The following RPH3AL variants were observed in gnomAD, a reference collection of about 807,000 sequenced individuals.
The protein encoded by RPH3AL is rab effector Noc2.
Under a neutral mutation model 43.1 loss-of-function variants are expected in RPH3AL, and 38 were observed. The ratio of observed to expected loss-of-function variants is 0.88; its 90% CI spans 0.68 to 1.15. The LOEUF is 1.15. RPH3AL is among the 50% of genes most tolerant of loss of function. RPH3AL has a pLI of 0.00. For synonymous variants in RPH3AL, 189 were observed against 176.3 expected, an observed-to-expected ratio of 1.07 and a Z score of -0.57; for missense variants, 462 against 423.2, an observed-to-expected ratio of 1.09 and a Z score of -0.81.
At chr17:216,413 TGAGA>T (rs10566773) in intron 8 of RPH3AL, among the ~76,000 whole-genome samples, 107,740 of 151,558 alleles carry the variant, frequency 0.71, 38,488 homozygotes, top group South Asian at 0.81. Flanking sequence ...GTTAACCTAA[TGAGA>T]GAGAGATGTT....
chr17:232,200 C>A (rs1292154989), intron 7 of RPH3AL, among the ~76,000 whole-genome samples: 1 of 152,206 alleles, frequency 6.6e-6, no homozygotes, highest in African/African-American at 2.4e-5. Flanking sequence ...TGTTTCTCTG[C>A]CTTTCCATGC....
chr17:223,083 G>A (rs956804713), intron 7 of RPH3AL, among the ~76,000 whole-genome samples: 5 of 152,026 alleles, frequency 3.3e-5, no homozygotes, highest in East Asian at 1.9e-4. Flanking sequence ...CCAGCTACTC[G>A]GGAGGCTGAG....
At chr17:270,902 G>A (rs1189385900) in intron 6 of RPH3AL, among the ~76,000 whole-genome samples, 1 of 152,096 alleles carries the variant, frequency 6.6e-6, no homozygotes, top group Non-Finnish European at 1.5e-5. Flanking sequence ...GGTTTTTATG[G>A]TTTTAGGTCT....
At chr17:348,056 C>T (rs1444773654) in intron 1 of RPH3AL, among the ~76,000 whole-genome samples, 3 of 150,176 alleles carry the variant, frequency 2.0e-5, no homozygotes, top group Non-Finnish European at 4.4e-5. Flanking sequence ...CTCTGGGCAC[C>T]CTGCCTATGG....
At position 246,358 on chromosome 17, in the gene RPH3AL, G is replaced by A. The variant is rs2041764763; in HGVS notation, c.613+753C>T. Among the ~76,000 whole-genome samples the A allele has an allele frequency of 6.6e-6, 1 of 152,052 alleles. No individual in the cohort carries two copies. On this transcript the variant is annotated intron_variant, in intron 7 of 9. Coordinates refer to ENST00000331302, the MANE Select transcript of RPH3AL (RefSeq NM_006987.4). This position sits in a 1 kb window ranked among gnomAD's most constrained non-coding sequence, Gnocchi z 4.8. ...GAAACGTGAGCACTTCAGAGCAAAA[G>A]GACCCAGATGCCAGAGAGGGTAAGA... is the stretch of plus-strand genomic sequence containing the variant.
rs760891446 is a variant in RPH3AL, at chr17:225,453, A to C, written c.614-5717T>G. 2.0e-5 allele frequency among the ~76,000 whole-genome samples: 3 copies of C among 152,110 alleles called. No individual in the cohort carries two copies. Among genetic ancestry groups the C allele is most frequent in the African/African-American group, 4.8e-5 (2 of 41,410 alleles). On this transcript the variant is annotated intron_variant, in intron 7 of 9. Transcript: ENST00000331302. This position sits in a 1 kb window ranked among gnomAD's most constrained non-coding sequence, Gnocchi z 4.4. ...TTTCTGTAGTTTTGACTCACTGATG[A>C]GATGCCAACCTCATGGGTCCCATGA...
chr17:315,407 GTGCCCCC>G, intron 5 of RPH3AL, among the ~76,000 whole-genome samples: 1 of 151,024 alleles, frequency 6.6e-6, no homozygotes, highest in African/African-American at 2.4e-5. Context: ...TGTAGTCCCT[GTGCCCCC>G]ACCTCCATTG....
intron 7 of RPH3AL, among the ~76,000 whole-genome samples, chr17:221,592 C>G (rs1597875108): frequency 3.3e-5 from 4 of 121,566 alleles, no homozygotes; most frequent in East Asian, 2.6e-4. Context: ...AGCTCTGAGG[C>G]CTCCACTCGG....
At position 225,504 on chromosome 17, in the gene RPH3AL, G is replaced by A. The variant is rs1567564015; in HGVS notation, c.614-5768C>T. ...AAAAGGGATAGGAGGAGGTGGGAAG[G>A]AGCCAGGGATTCCTGCTGGGCTCCT... On this transcript the variant is annotated intron_variant, in intron 7 of 9. Coordinates refer to ENST00000331302, the MANE Select transcript of RPH3AL (RefSeq NM_006987.4). This position sits in a 1 kb window ranked among gnomAD's most constrained non-coding sequence, Gnocchi z 4.4. Among the ~76,000 whole-genome samples the A allele has an allele frequency of 6.6e-6, 1 of 152,184 alleles. No homozygotes were observed. The highest frequency in any genetic ancestry group is 1.5e-5 in the Non-Finnish European group (1 of 68,024).
rs1555540060 is a variant in RPH3AL, at chr17:246,563, G to T, written c.613+548C>A. Among the ~76,000 whole-genome samples, 3 of 152,068 alleles carry T rather than the reference G, an allele frequency of 2.0e-5. No individual in the cohort carries two copies. The highest frequency in any genetic ancestry group is 4.8e-5 in the African/African-American group (2 of 41,420). ...AAGCATCATGAAAGCTGCGGAGAACGGTCCACAACCAGGCGCCCCCATCGT... is the reference window on the plus strand; with the variant it reads ...AAGCATCATGAAAGCTGCGGAGAACTGTCCACAACCAGGCGCCCCCATCGT... On this transcript the variant is annotated intron_variant, in intron 7 of 9. Transcript: ENST00000331302. The surrounding 1 kb of genome is among the most constrained non-coding windows in gnomAD (Gnocchi z 4.8).
chr17:305,742 C>A (rs1239199688), intron 5 of RPH3AL, among the ~76,000 whole-genome samples: 1 of 152,102 alleles, frequency 6.6e-6, no homozygotes, highest in Non-Finnish European at 1.5e-5. Context: ...ACATTCTCTC[C>A]CAGGTTACTC....
chr17:279,250 T>C (rs940784204), intron 6 of RPH3AL, among the ~76,000 whole-genome samples: 3 of 152,032 alleles, frequency 2.0e-5, no homozygotes, highest in African/African-American at 7.3e-5. Context: ...GGCAGAAAAA[T>C]CCAGCACATG....
At chr17:315,954 C>T (rs1177962875) in intron 5 of RPH3AL, among the ~76,000 whole-genome samples, 2 of 149,016 alleles carry the variant, frequency 1.3e-5, no homozygotes, top group Non-Finnish European at 1.5e-5. Context: ...ACCTGTAGTC[C>T]CTGTGACCCC....
chr17:223,503 G>A (rs892352574), intron 7 of RPH3AL, among the ~76,000 whole-genome samples: 5 of 152,130 alleles, frequency 3.3e-5, no homozygotes, highest in Non-Finnish European at 5.9e-5. Context: ...AGTGAGCATC[G>A]TCTTCCAAAC....
At position 321,400 on chromosome 17, in the gene RPH3AL, C is replaced by T. The variant is rs760836181; in HGVS notation, c.93G>A (p.Trp31Ter). 2 of 1,608,454 alleles carry T rather than the reference C, an allele frequency of 1.2e-6. No homozygotes were observed. Among genetic ancestry groups the T allele is most frequent in the African/African-American group, 1.3e-5 (1 of 74,882 alleles). ...TCTCCGTCTGGTAGGTGTGCACGGA[C>T]CAGCCCGTCTGCAGCCTCGAGAGGG... is the stretch of plus-strand genomic sequence containing the variant. ...LALRAKLQTG[W>*]SVHTYQTEKQ... Residue 31 changes from tryptophan (W) to a stop codon, truncating the protein, a stop_gained, in exon 4 of 10, where the codon TGG becomes TGA. Transcript: ENST00000331302. LOFTEE classifies it high-confidence loss of function.
chr17:319,696 A>ATGAAGGATTCGCTG, intron 4 of RPH3AL, 147 bp from the exon 5 acceptor site: 1 of 922,658 alleles, frequency 1.1e-6, no homozygotes, highest in Non-Finnish European at 1.6e-6. Flanking sequence ...ATAACAGCGA[A>ATGAAGGATTCGCTG]TCCTTCATTC....
intron 7 of RPH3AL, among the ~76,000 whole-genome samples, chr17:242,318 T>C (rs2041565462): frequency 8.1e-6 from 1 of 123,420 alleles, no homozygotes; most frequent in Non-Finnish European, 1.8e-5. Flanking sequence ...CTCTATTGAC[T>C]ACCTTCCTCT....
chr17:252,806 T>A (rs7209688), intron 6 of RPH3AL, among the ~76,000 whole-genome samples: 2 of 152,050 alleles, frequency 1.3e-5, no homozygotes, highest in Middle Eastern at 3.2e-3. Flanking sequence ...TGCATTATAC[T>A]TAACCAGTTC....
rs1339178997 is a variant in RPH3AL, at chr17:219,724, TC to T, written c.625del (p.Asp209ThrfsTer13). 1.2e-6 allele frequency: 2 copies of T among 1,613,072 alleles called. No individual in the cohort carries two copies. The highest frequency in any genetic ancestry group is 3.3e-5 in the Admixed American group (2 of 59,972). On this transcript the variant is annotated frameshift_variant, in exon 8 of 10. Coordinates refer to ENST00000331302, the MANE Select transcript of RPH3AL (RefSeq NM_006987.4). LOFTEE classifies it high-confidence loss of function. ...TWARGRVVSS[D>X]SDSDSDLSSS... ...GCTAAGATCCGAGTCACTGTCACTG[TC>T]ACTGGAAACCACTGGAAGAGACAGA... is the stretch of plus-strand genomic sequence containing the variant.
Sources: allele counts gnomAD v4.1 joint callset (sites outside exome capture counted in the v4.1 genomes callset), GRCh38; gene constraint gnomAD v4.1.1; non-coding constraint Gnocchi (gnomAD v3.1); transcripts MANE v1.5; gene names NCBI Gene and HGNC (gene_info 2026-07-23, HGNC 2026-07-21).